Variants in KMO observed in about 807,000 individuals in gnomAD.
KMO encodes kynurenine 3-hydroxylase.
A neutral mutation model predicts 57.8 loss-of-function variants in KMO; 24 were observed. The observed-to-expected ratio is 0.42, with a 90% CI of 0.30 to 0.58. The LOEUF (loss-of-function observed/expected upper bound fraction) is 0.58, where lower values mean the gene tolerates loss of function less well. KMO is among the 20% of genes least tolerant of loss of function. KMO has a pLI of 0.22. For synonymous variants in KMO, 210 were observed against 193.6 expected, an observed-to-expected ratio of 1.08 and a Z score of -0.70; for missense variants, 483 against 588.2, an observed-to-expected ratio of 0.82 and a Z score of 1.85.
At chr1:241,572,964 A>C (rs986160836) in intron 10 of KMO, among the ~76,000 whole-genome samples, 1 of 152,094 alleles carries the variant, frequency 6.6e-6, no homozygotes, top group Non-Finnish European at 1.5e-5. Flanking sequence ...CAAAAATATT[A>C]TTTCATACTT....
At chr1:241,558,124 T>C (rs865947280) in intron 5 of KMO, among the ~76,000 whole-genome samples, 5 of 152,220 alleles carry the variant, frequency 3.3e-5, no homozygotes, top group South Asian at 2.1e-4. Context: ...CTGAGTCTGT[T>C]TATTCCAAAG....
rs1573924253 is a variant in KMO at position 241,566,704 on chromosome 1, A to G, written c.809+92A>G. 3 of 1,332,688 alleles carry G rather than the reference A, an allele frequency of 2.3e-6. No individual in the cohort carries two copies. The African/African-American group carries it at 4.3e-5, about 19-fold the overall frequency. 82.6% of individuals were successfully genotyped at this position (1,332,688 alleles called of 1,614,324 possible). ...CACCTGATTTCAGTTTGGGTTAAAC[A>G]CGATGGATCATGCAGTAACCTGGAC... On this transcript the variant is annotated intron_variant, in intron 9 of 14. Transcript: ENST00000366559.
chr1:241,580,345 C>G (rs1662704228), intron 10 of KMO, among the ~76,000 whole-genome samples: 1 of 152,116 alleles, frequency 6.6e-6, no homozygotes, highest in Admixed American at 6.5e-5. Flanking sequence ...CTCCAATTCA[C>G]TGTCTTAGGG....
rs570812488 is a variant in KMO, at chr1:241,543,914, C to T, written c.55-4915C>T. On this transcript the variant is annotated intron_variant, in intron 1 of 14. Coordinates refer to ENST00000366559, the MANE Select transcript of KMO (RefSeq NM_003679.5). Reference sequence around the variant, plus strand: ...AGAAGTATTGAGGCAGAATCTCCACCTTGGTCAGCCCTCCTCCTCTGAGAT... The same window carrying T: ...AGAAGTATTGAGGCAGAATCTCCACTTTGGTCAGCCCTCCTCCTCTGAGAT... Among the ~76,000 whole-genome samples the T allele has an allele frequency of 9.2e-5, 14 of 152,328 alleles. No individual in the cohort carries two copies. In the South Asian group the frequency reaches 2.9e-3, roughly 32 times the overall value.
At chr1:241,546,965 A>C (rs981831888) in intron 1 of KMO, among the ~76,000 whole-genome samples, 5 of 152,210 alleles carry the variant, frequency 3.3e-5, no homozygotes. Flanking sequence ...CGTATGAAGA[A>C]AACCAGAAAA....
chr1:241,541,486 T>C (rs1350144957), intron 1 of KMO, among the ~76,000 whole-genome samples: 1 of 152,142 alleles, frequency 6.6e-6, no homozygotes, highest in Non-Finnish European at 1.5e-5. Flanking sequence ...TATAGACAGG[T>C]TCAGTAGTCA....
intron 10 of KMO, among the ~76,000 whole-genome samples, chr1:241,579,127 A>G (rs1662654702): frequency 6.6e-6 from 1 of 152,044 alleles, no homozygotes; most frequent in Non-Finnish European, 1.5e-5. Flanking sequence ...CTGAGGTCAT[A>G]CACAAATTTT....
rs1573947853 is a variant in KMO at position 241,595,094 on chromosome 1, C to T, written c.*2941C>T. ...ATAAGCATCAAAAACAGATAAGGCT[C>T]TTCCTGGCAGAGTTTACAGCCTGGT... is the stretch of plus-strand genomic sequence containing the variant. On this transcript the variant is annotated 3_prime_UTR_variant, in exon 15 of 15. Coordinates refer to ENST00000366559, the MANE Select transcript of KMO (RefSeq NM_003679.5). 6.3e-6 allele frequency: 1 copy of T among 157,974 alleles called. No individual in the cohort carries two copies. Among genetic ancestry groups the T allele is most frequent in the Admixed American group, 6.4e-5 (1 of 15,728 alleles). 9.8% of individuals were successfully genotyped at this position (157,974 alleles called of 1,614,324 possible).
intron 9 of KMO, among the ~76,000 whole-genome samples, chr1:241,566,912 A>G (rs1321779406): frequency 5.3e-5 from 8 of 152,186 alleles, no homozygotes; most frequent in Non-Finnish European, 1.0e-4. Context: ...GAACTGGCTG[A>G]ACTTTTTTCT....
At chr1:241,554,828 A>AG (rs896138237) in intron 4 of KMO, among the ~76,000 whole-genome samples, 12 of 151,142 alleles carry the variant, frequency 7.9e-5, no homozygotes, top group African/African-American at 2.9e-4. Flanking sequence ...AAAAAAAAAA[A>AG]AAAATTAGCT....
At chr1:241,543,490 T>C (rs1661028001) in intron 1 of KMO, among the ~76,000 whole-genome samples, 1 of 152,160 alleles carries the variant, frequency 6.6e-6, no homozygotes, top group African/African-American at 2.4e-5. Flanking sequence ...TATGCCATAA[T>C]GTGTTCGTTC....
rs143977547 is a variant in KMO, at chr1:241,548,810, A to ATT, written c.55-11_55-10dup. On this transcript the variant is annotated intron_variant, in intron 1 of 14. Transcript: ENST00000366559. ...ATTTGTGGAATCAGATAAATATTTA[A>ATT]TTTTTTTTTAATTTCTAGGTTGGCT... 17 of 1,453,716 alleles carry ATT rather than the reference A, an allele frequency of 1.2e-5. No homozygotes were observed. The highest frequency in any genetic ancestry group is 1.7e-5 in the Admixed American group (1 of 58,400). The allele number at this position is 1,453,716 out of a possible 1,614,324, so 90.1% of individuals were successfully genotyped here.
rs189544129 is a variant in KMO, at chr1:241,536,048, A to C, written c.54+3550A>C. 2.0e-4 allele frequency among the ~76,000 whole-genome samples: 30 copies of C among 152,336 alleles called. No homozygotes were observed. In the East Asian group the frequency reaches 4.0e-3, roughly 21 times the overall value. On this transcript the variant is annotated intron_variant, in intron 1 of 14. Transcript: ENST00000366559. ...AGCCACACTAAAATATTTTCTGTGCATGAGTTTGATTTCAGAACAAAGTGG... is the reference window on the plus strand; with the variant it reads ...AGCCACACTAAAATATTTTCTGTGCCTGAGTTTGATTTCAGAACAAAGTGG...
At chr1:241,574,542 T>TTA (rs1553349703) in intron 10 of KMO, among the ~76,000 whole-genome samples, 1 of 151,816 alleles carries the variant, frequency 6.6e-6, no homozygotes, top group Non-Finnish European at 1.5e-5. Context: ...GTTTTTTTTT[T>TTA]AATTCTGTTT....
rs748962906 is a variant in KMO at position 241,590,133 on chromosome 1, CTT to C, written c.1200+23_1200+24del. 2 of 1,608,658 alleles carry C rather than the reference CTT, an allele frequency of 1.2e-6. No homozygotes were observed. The highest frequency in any genetic ancestry group is 1.1e-5 in the South Asian group (1 of 90,844). On this transcript the variant is annotated intron_variant, in intron 13 of 14. Transcript: ENST00000366559. ...ACAATGGTAAGGTCTGGACTGAAGA[CTT>C]TTCCTCATTTTGATTTTCTGTTTAG... is the stretch of plus-strand genomic sequence containing the variant.
At chr1:241,576,761 TCTTTGAG>T in intron 10 of KMO, among the ~76,000 whole-genome samples, 1 of 152,170 alleles carries the variant, frequency 6.6e-6, no homozygotes, top group Non-Finnish European at 1.5e-5. Context: ...TCCCAGGACT[TCTTTGAG>T]CTTCTTGTAT....
rs780884084 is a variant in KMO, at chr1:241,566,602, C to G, written c.799C>G (p.Leu267Val). 1.1e-5 allele frequency: 17 copies of G among 1,613,788 alleles called. No individual in the cohort carries two copies. The South Asian group carries it at 1.6e-4, about 16-fold the overall frequency. Residue 267 changes from leucine (L) to valine (V), a missense_variant, in exon 9 of 15, where the codon CTA (leucine) becomes GTA (valine). Around this residue, in one of 3 missense-constraint regions of KMO, gnomAD observed 410 missense variants for 492.3 expected, o/e 0.83. Coordinates refer to ENST00000366559, the MANE Select transcript of KMO (RefSeq NM_003679.5). ...GAAATACTTTCCGGATGCCATCCCT[C>G]TAATTGGAGAGTAAGTTGCAAGATG... ...FQKYFPDAIPLIGEKLLVQDF... is the reference protein window; with the variant it reads ...FQKYFPDAIPVIGEKLLVQDF...
intron 4 of KMO, among the ~76,000 whole-genome samples, chr1:241,555,240 T>A (rs186085896): frequency 4.5e-4 from 69 of 152,338 alleles, no homozygotes; most frequent in Non-Finnish European, 5.9e-5. Flanking sequence ...ATTCTAGTGA[T>A]ACTGTCATGA....
intron 5 of KMO, among the ~76,000 whole-genome samples, chr1:241,556,207 C>T (rs1439812352): frequency 6.6e-6 from 1 of 152,190 alleles, no homozygotes; most frequent in Non-Finnish European, 1.5e-5. Flanking sequence ...AATCATGGCT[C>T]ACTGTAACTT....
Sources: allele counts gnomAD v4.1 joint callset (sites outside exome capture counted in the v4.1 genomes callset), GRCh38; gene constraint gnomAD v4.1.1; regional missense constraint gnomAD v4.1.1; transcripts MANE v1.5; gene names NCBI Gene and HGNC (gene_info 2026-07-23, HGNC 2026-07-21).